The following CLVS2 variants were observed in gnomAD, a reference collection of about 807,000 sequenced individuals.
CLVS2 encodes the protein clavesin-2.
In CLVS2, 19 loss-of-function variants were observed where a neutral mutation model predicts 29.0. The observed-to-expected ratio is 0.66, with a 90% CI of 0.46 to 0.96. CLVS2 has a LOEUF of 0.96. CLVS2 is among the 40% of genes least tolerant of loss of function. CLVS2 has a pLI of 0.00. For missense variants in CLVS2, 294 were observed against 404.1 expected, an observed-to-expected ratio of 0.73 and a Z score of 2.34; for synonymous variants, 161 against 151.3, an observed-to-expected ratio of 1.06 and a Z score of -0.47.
intron 2 of CLVS2, among the ~76,000 whole-genome samples, chr6:123,010,778 G>A (rs901029683): frequency 2.6e-5 from 4 of 151,960 alleles, no homozygotes; most frequent in Non-Finnish European, 4.4e-5. Flanking sequence ...GTTTCCATTT[G>A]TTTGGGCAGA....
chr6:123,004,114 A>G (rs1316057196), intron 2 of CLVS2, among the ~76,000 whole-genome samples: 1 of 152,240 alleles, frequency 6.6e-6, no homozygotes, highest in Non-Finnish European at 1.5e-5. Context: ...GAACGTTAAG[A>G]TGGAAGAATA....
chr6:123,067,241 C>T lies in CLVS2; in HGVS notation c.*3480C>T, dbSNP rs1016843350. ...TAATATTCCTGAGGGAAAAGAGGTC[C>T]CTCTATTGCATCAAGAAATTGGAGA... On this transcript the variant is annotated 3_prime_UTR_variant, in exon 6 of 6. Coordinates refer to ENST00000275162, the MANE Select transcript of CLVS2 (RefSeq NM_001010852.4). 1 of 151,460 alleles carries T rather than the reference C, an allele frequency of 6.6e-6. No homozygotes were observed. Among genetic ancestry groups the T allele is most frequent in the African/African-American group, 2.4e-5 (1 of 41,328 alleles). The allele number at this position is 151,460 out of a possible 1,614,324, so 9.4% of individuals were successfully genotyped here. A position where few individuals can be genotyped will look rare whatever the true frequency, so the allele number is the denominator to read the frequency against.
intron 3 of CLVS2, among the ~76,000 whole-genome samples, chr6:123,013,236 C>T (rs954609454): frequency 6.6e-6 from 1 of 151,902 alleles, no homozygotes; most frequent in Non-Finnish European, 1.5e-5. Context: ...TATGAATAAA[C>T]ATTTTTTTCA....
At chr6:123,022,891 G>A (rs1291698984) in intron 3 of CLVS2, among the ~76,000 whole-genome samples, 3 of 152,006 alleles carry the variant, frequency 2.0e-5, no homozygotes, top group Non-Finnish European at 4.4e-5. Flanking sequence ...GTTTCTGCAG[G>A]ACTGGACAAC....
Position 123,069,739 on chromosome 6 carries a change from C to T in CLVS2, c.*5978C>T, listed in dbSNP as rs1343979527. ...AAGTGCGTTCCTTCTTCAGGAGGATCGAGTAGAAAATATTTTCTACTCGAA... is the reference window on the plus strand; with the variant it reads ...AAGTGCGTTCCTTCTTCAGGAGGATTGAGTAGAAAATATTTTCTACTCGAA... On this transcript the variant is annotated 3_prime_UTR_variant, in exon 6 of 6. Transcript: ENST00000275162. 3 of 151,750 alleles carry T rather than the reference C, an allele frequency of 2.0e-5. No individual in the cohort carries two copies. Among genetic ancestry groups the T allele is most frequent in the East Asian group, 1.9e-4 (1 of 5,156 alleles). 9.4% of individuals were successfully genotyped at this position (151,750 alleles called of 1,614,324 possible). A position where few individuals can be genotyped will look rare whatever the true frequency, so the allele number is the denominator to read the frequency against.
chr6:123,035,307 C>A (rs1183450050), intron 3 of CLVS2, among the ~76,000 whole-genome samples: 1 of 150,996 alleles, frequency 6.6e-6, no homozygotes, highest in Non-Finnish European at 1.5e-5. Context: ...ATGGAACTTA[C>A]CATTGGGTAC....
rs767026910 is a variant in CLVS2, at chr6:123,025,537, C to A, written c.564+14378C>A. ...AAAGGGTGAACTGTAATGGATAGTG[C>A]GGTGTGCTGCCTAGATTCCCTTCCT... On this transcript the variant is annotated intron_variant, in intron 3 of 5. Transcript: ENST00000275162. Among the ~76,000 whole-genome samples, 175 of 152,158 alleles carry A rather than the reference C, an allele frequency of 1.2e-3. 2 individuals carry two copies. Among genetic ancestry groups the A allele is most frequent in the Non-Finnish European group, 2.4e-3 (160 of 67,998 alleles).
Position 122,998,121 on chromosome 6 carries a change from G to C in CLVS2, c.344G>C (p.Gly115Ala). Residue 115 changes from glycine (G) to alanine (A), a missense_variant, in exon 2 of 6, where the codon GGC becomes GCC. Transcript: ENST00000275162. Reference sequence around the variant, plus strand: ...GGCCTGGCCAATCTGGACCACTATGGCAGGAAGATTCTAGTCCTTTTTGCT... The same window carrying C: ...GGCCTGGCCAATCTGGACCACTATGCCAGGAAGATTCTAGTCCTTTTTGCT... ...PGGLANLDHYGRKILVLFAAN... is the reference protein window; with the variant it reads ...PGGLANLDHYARKILVLFAAN... 6.2e-7 allele frequency: 1 copy of C among 1,613,814 alleles called. No homozygotes were observed.
chr6:123,029,934 T>C (rs1775059282), intron 3 of CLVS2, among the ~76,000 whole-genome samples: 1 of 152,206 alleles, frequency 6.6e-6, no homozygotes, highest in Non-Finnish European at 1.5e-5. Flanking sequence ...TGACCAGTTC[T>C]CATGCATCGT....
chr6:123,066,178 A>C lies in CLVS2; in HGVS notation c.*2417A>C, dbSNP rs896595343. The C allele has an allele frequency of 3.3e-5, 5 of 151,806 alleles. No individual in the cohort carries two copies. The highest frequency in any genetic ancestry group is 5.9e-5 in the Non-Finnish European group (4 of 67,764). 9.4% of individuals were successfully genotyped at this position (151,806 alleles called of 1,614,324 possible). A position where few individuals can be genotyped will look rare whatever the true frequency, so the allele number is the denominator to read the frequency against. On this transcript the variant is annotated 3_prime_UTR_variant, in exon 6 of 6. Transcript: ENST00000275162. ...AGTCAAGGGATATTCATTCAACTTT[A>C]TAAATTTACCCCTCAGCACCAGCTA...
chr6:123,045,962 T>C (rs1021762977), intron 3 of CLVS2, among the ~76,000 whole-genome samples: 1 of 152,036 alleles, frequency 6.6e-6, no homozygotes, highest in Middle Eastern at 3.4e-3. Flanking sequence ...ACAGTAGGTG[T>C]GTGGGAGAGA....
At chr6:123,044,989 T>G (rs1327119023) in intron 3 of CLVS2, among the ~76,000 whole-genome samples, 2 of 152,144 alleles carry the variant, frequency 1.3e-5, no homozygotes, top group African/African-American at 2.4e-5. Flanking sequence ...CTAGAGGGTG[T>G]GCTGAATAAT....
At position 123,072,463 on chromosome 6, in the gene CLVS2, C is replaced by T. The variant is rs1772963844; in HGVS notation, c.*8702C>T. 6.6e-6 allele frequency: 1 copy of T among 152,062 alleles called. No individual in the cohort carries two copies. Among genetic ancestry groups the T allele is most frequent in the Non-Finnish European group, 1.5e-5 (1 of 67,984 alleles). 9.4% of individuals were successfully genotyped at this position (152,062 alleles called of 1,614,324 possible). A position where few individuals can be genotyped will look rare whatever the true frequency, so the allele number is the denominator to read the frequency against. On this transcript the variant is annotated 3_prime_UTR_variant, in exon 6 of 6. Coordinates refer to ENST00000275162, the MANE Select transcript of CLVS2 (RefSeq NM_001010852.4). ...GGGTTAACAGTTCGGAAAACATTCTCTAGAGAAGAGACTAATGATTCTTGC... is the reference window on the plus strand; with the variant it reads ...GGGTTAACAGTTCGGAAAACATTCTTTAGAGAAGAGACTAATGATTCTTGC...
In CLVS2 at chr6:122,997,796, G is replaced by T; in HGVS notation, c.19G>T (p.Gly7Cys). 1 of 1,613,896 alleles carries T rather than the reference G, an allele frequency of 6.2e-7. No individual in the cohort carries two copies. Among genetic ancestry groups the T allele is most frequent in the Non-Finnish European group, 8.5e-7 (1 of 1,179,984 alleles). MTHLQA[G>C]LSPETLEKAR... ...CAGAACAATGACTCATTTGCAAGCC[G>T]GTCTCTCCCCTGAGACCCTGGAGAA... is the stretch of plus-strand genomic sequence containing the variant. Residue 7 changes from glycine to cysteine, a missense_variant, in exon 2 of 6, where the codon GGT becomes TGT. This residue lies in a region of CLVS2 where 212 missense variants were observed against 336.4 expected (regional missense o/e 0.63). Transcript: ENST00000275162.
intron 2 of CLVS2, among the ~76,000 whole-genome samples, chr6:123,001,062 G>T (rs1286625592): frequency 6.6e-6 from 1 of 152,168 alleles, no homozygotes; most frequent in East Asian, 1.9e-4. Flanking sequence ...TACGGCACTT[G>T]AACTAGAGTA....
At chr6:123,003,616 G>A (rs1774622337) in intron 2 of CLVS2, among the ~76,000 whole-genome samples, 1 of 152,052 alleles carries the variant, frequency 6.6e-6, no homozygotes, top group Non-Finnish European at 1.5e-5. Flanking sequence ...TATGTACATA[G>A]CATTTTAGTA....
rs538466144 is a variant in CLVS2 at position 123,069,089 on chromosome 6, A to G, written c.*5328A>G. On this transcript the variant is annotated 3_prime_UTR_variant, in exon 6 of 6. Transcript: ENST00000275162. ...GTGTGGGGATCAAAGAGGAAAATAT[A>G]TAGTAATTTGTTTCATCAAAATGAC... 6.6e-6 allele frequency: 1 copy of G among 151,862 alleles called. No individual in the cohort carries two copies. Among genetic ancestry groups the G allele is most frequent in the South Asian group, 2.1e-4 (1 of 4,826 alleles). 9.4% of individuals were successfully genotyped at this position (151,862 alleles called of 1,614,324 possible).
At position 123,048,662 on chromosome 6, in the gene CLVS2, A is replaced by G. The variant is rs769965224; in HGVS notation, c.605A>G (p.Asn202Ser). Residue 202 changes from asparagine (N) to serine (S), a missense_variant, in exon 4 of 6, where the codon AAT (asparagine) becomes AGT (serine). Physicochemically the swap from Asn to Ser is conservative, Grantham distance 46. This residue lies in a region of CLVS2 where 212 missense variants were observed against 336.4 expected (regional missense o/e 0.63). Transcript: ENST00000275162. Reference sequence around the variant, plus strand: ...CGATTTGGAGGAATTCATTTTGTCAATCAACCATGGTATATCCATGCCCTG... The same window carrying G: ...CGATTTGGAGGAATTCATTTTGTCAGTCAACCATGGTATATCCATGCCCTG... ...PARFGGIHFVNQPWYIHALYT... is the reference protein window; with the variant it reads ...PARFGGIHFVSQPWYIHALYT... 6 of 1,613,508 alleles carry G rather than the reference A, an allele frequency of 3.7e-6. No individual in the cohort carries two copies. Among genetic ancestry groups the G allele is most frequent in the Admixed American group, 1.7e-5 (1 of 59,990 alleles).
At chr6:123,046,216 G>T (rs1055506068) in intron 3 of CLVS2, among the ~76,000 whole-genome samples, 4 of 152,202 alleles carry the variant, frequency 2.6e-5, no homozygotes, top group Admixed American at 2.6e-4. Context: ...CCTCAACTGT[G>T]ATTGGGTATT....
Sources: gnomAD v4.1 joint callset for allele counts (sites outside exome capture counted in the v4.1 genomes callset) on GRCh38, gnomAD v4.1.1 for gene constraint, gnomAD v4.1.1 regional missense constraint, MANE v1.5 for transcripts, NCBI Gene and HGNC (gene_info 2026-07-23, HGNC 2026-07-21) for gene names.